The following ESRRG variants were observed in gnomAD, a reference collection of about 807,000 sequenced individuals.
The protein encoded by ESRRG is estrogen-related receptor gamma.
A neutral mutation model predicts 44.0 loss-of-function variants in ESRRG; 13 were observed. The observed-to-expected ratio is 0.30, with a 90% confidence interval of 0.19 to 0.47. The LOEUF is 0.47. Among genes scored for constraint, ESRRG ranks in the 20% least tolerant of loss-of-function variants. The probability of loss-of-function intolerance (pLI) is 1.00; values close to 1 mark genes in which losing one functional copy is unlikely to be tolerated. For synonymous variants in ESRRG, 215 were observed against 214.6 expected, an observed-to-expected ratio of 1.00 and a Z score of -0.02; for missense variants, 395 against 580.6, an observed-to-expected ratio of 0.68 and a Z score of 3.29.
At chr1:216,707,056 G>A (rs1384467821) in intron 1 of ESRRG, among the ~76,000 whole-genome samples, 1 of 152,110 alleles carries the variant, frequency 6.6e-6, no homozygotes, top group Non-Finnish European at 1.5e-5. Flanking sequence ...CAAGATTAAG[G>A]GCAAGGTTTT....
At chr1:216,602,308 G>A (rs2059358962) in intron 3 of ESRRG, among the ~76,000 whole-genome samples, 1 of 152,194 alleles carries the variant, frequency 6.6e-6, no homozygotes, top group South Asian at 2.1e-4. Flanking sequence ...GAGCCTGAAA[G>A]ACTTTGTGAC....
At chr1:217,118,746 C>G (rs748210878) in intron 1 of ESRRG, among the ~76,000 whole-genome samples, 2 of 152,110 alleles carry the variant, frequency 1.3e-5, no homozygotes, top group South Asian at 4.1e-4. Flanking sequence ...AATCTCAGCA[C>G]TGTGAGAGGC....
intron 2 of ESRRG, among the ~76,000 whole-genome samples, chr1:216,743,453 A>C (rs1458603037): frequency 6.6e-6 from 1 of 152,236 alleles, no homozygotes; most frequent in African/African-American, 2.4e-5. Context: ...ATATTAAAAA[A>C]TATAAAAGTA....
intron 1 of ESRRG, among the ~76,000 whole-genome samples, chr1:217,003,565 T>C (rs1282247810): frequency 7.0e-6 from 1 of 143,784 alleles, no homozygotes; most frequent in East Asian, 2.0e-4. Flanking sequence ...ATATTAGTAT[T>C]AATACTAATT....
chr1:216,943,315 A>T (rs2149993447), intron 1 of ESRRG, among the ~76,000 whole-genome samples: 1 of 152,244 alleles, frequency 6.6e-6, no homozygotes, highest in East Asian at 1.9e-4. Flanking sequence ...GACTTACACC[A>T]TCCCTACCAT....
intron 2 of ESRRG, among the ~76,000 whole-genome samples, chr1:216,888,841 A>G (rs1420519616): frequency 6.6e-6 from 1 of 152,136 alleles, no homozygotes; most frequent in Non-Finnish European, 1.5e-5. Context: ...TGGATCAGAG[A>G]TATGATCCCC....
intron 2 of ESRRG, among the ~76,000 whole-genome samples, chr1:216,778,766 G>A (rs1382582874): frequency 2.6e-5 from 4 of 151,826 alleles, no homozygotes; most frequent in African/African-American, 9.7e-5. Flanking sequence ...CATCCAGTTG[G>A]GATTCAACCT....
intron 2 of ESRRG, among the ~76,000 whole-genome samples, chr1:216,824,223 G>A (rs2095351608): frequency 6.6e-6 from 1 of 152,122 alleles, no homozygotes. Context: ...GAGGCAGGCA[G>A]ATCATTTGAG....
At position 216,601,525 on chromosome 1, in the gene ESRRG, A is replaced by G. The variant is rs1166009751; in HGVS notation, c.590-33427T>C. On this transcript the variant is annotated intron_variant, in intron 3 of 6. Coordinates refer to ENST00000408911, the MANE Select transcript of ESRRG (RefSeq NM_001438.4). Reference sequence around the variant, plus strand: ...GAGTTGTCTTGGTTATGACAGAGGAAGAAGACTTCAAAGTGAATAAGCAAG... The same window carrying G: ...GAGTTGTCTTGGTTATGACAGAGGAGGAAGACTTCAAAGTGAATAAGCAAG... Among the ~76,000 whole-genome samples the G allele has an allele frequency of 4.6e-5, 7 of 152,314 alleles. No individual in the cohort carries two copies. In the East Asian group the frequency reaches 1.4e-3, roughly 29 times the overall value.
upstream of ESRRG, among the ~76,000 whole-genome samples, chr1:217,090,796 C>T (rs1183163509): frequency 6.6e-6 from 1 of 152,186 alleles, no homozygotes; most frequent in Non-Finnish European, 1.5e-5. Context: ...ACTCATTCTA[C>T]AACAGCAGGA....
chr1:216,690,450 C>T (rs2078856860), intron 1 of ESRRG, among the ~76,000 whole-genome samples: 1 of 151,982 alleles, frequency 6.6e-6, no homozygotes, highest in African/African-American at 2.4e-5. Flanking sequence ...GAAAACTAAT[C>T]ATCATAATAG....
At chr1:216,947,655 C>T (rs2066267702) in intron 1 of ESRRG, among the ~76,000 whole-genome samples, 1 of 152,168 alleles carries the variant, frequency 6.6e-6, no homozygotes, top group South Asian at 2.1e-4. Context: ...AGTTTACCAG[C>T]ACATCACTGA....
At chr1:216,930,346 G>T (rs1341019689) in intron 2 of ESRRG, among the ~76,000 whole-genome samples, 1 of 152,036 alleles carries the variant, frequency 6.6e-6, no homozygotes, top group Non-Finnish European at 1.5e-5. Context: ...TGAATACCAG[G>T]TGATCCATTT....
chr1:216,520,150 G>A (rs1260698824), intron 5 of ESRRG, among the ~76,000 whole-genome samples: 1 of 152,102 alleles, frequency 6.6e-6, no homozygotes, highest in African/African-American at 2.4e-5. Flanking sequence ...ATAAATAAAG[G>A]TAACAGGGTT....
chr1:216,829,033 T>G (rs1354872063), intron 2 of ESRRG, among the ~76,000 whole-genome samples: 1 of 152,218 alleles, frequency 6.6e-6, no homozygotes, highest in African/African-American at 2.4e-5. Flanking sequence ...CAAGGACATA[T>G]GTATGTCTTT....
intron 1 of ESRRG, among the ~76,000 whole-genome samples, chr1:216,986,367 T>C (rs1426141895): frequency 6.6e-6 from 1 of 152,030 alleles, no homozygotes; most frequent in Non-Finnish European, 1.5e-5. Context: ...GATTCAGAAA[T>C]TGTATAGAGA....
intron 2 of ESRRG, among the ~76,000 whole-genome samples, chr1:216,938,632 A>G (rs2064585086): frequency 6.6e-6 from 1 of 152,252 alleles, no homozygotes; most frequent in African/African-American, 2.4e-5. Flanking sequence ...GTTCAAAAAT[A>G]TGCCTTACTC....
intron 1 of ESRRG, among the ~76,000 whole-genome samples, chr1:216,998,673 C>A (rs2076662751): frequency 1.3e-5 from 2 of 152,126 alleles, no homozygotes; most frequent in African/African-American, 2.4e-5. Flanking sequence ...ATGAGGATAA[C>A]CCTAATTGCT....
At chr1:216,957,911 C>T (rs2068266320) in intron 1 of ESRRG, among the ~76,000 whole-genome samples, 2 of 152,120 alleles carry the variant, frequency 1.3e-5, no homozygotes, top group Admixed American at 6.6e-5. Flanking sequence ...CTATCATCCC[C>T]AAAAGTTTCC....
Sources: gnomAD v4.1 joint callset for allele counts (sites outside exome capture counted in the v4.1 genomes callset) on GRCh38, gnomAD v4.1.1 for gene constraint, MANE v1.5 for transcripts, NCBI Gene and HGNC (gene_info 2026-07-23, HGNC 2026-07-21) for gene names.